The following EDA variants were observed in gnomAD, a reference collection of about 807,000 sequenced individuals.
EDA encodes the protein ectodysplasin-A.
Under a neutral mutation model 23.6 loss-of-function variants are expected in EDA, and 2 were observed. That is an observed-to-expected ratio of 0.08 (90% CI 0.03 to 0.27). The LOEUF (loss-of-function observed/expected upper bound fraction) is 0.27. Among genes scored for constraint, EDA ranks in the 10% least tolerant of loss-of-function variants. The pLI is 1.00. For missense variants in EDA, 229 were observed against 324.2 expected, an observed-to-expected ratio of 0.71 and a Z score of 2.26; for synonymous variants, 131 against 132.0, an observed-to-expected ratio of 0.99 and a Z score of 0.05.
chrX:69,648,594 C>T (rs1022617636), intron 1 of EDA, among the ~76,000 whole-genome samples: 1 of 112,323 alleles, frequency 8.9e-6, no homozygotes, highest in African/African-American at 3.2e-5. Context: ...GGTGGCCGCC[C>T]CTCCCCACAG....
chrX:69,789,014 G>T (rs934372246), intron 1 of EDA, among the ~76,000 whole-genome samples: 6 of 112,608 alleles, frequency 5.3e-5, no homozygotes, highest in Non-Finnish European at 1.1e-4. Context: ...TTTTTAGCCT[G>T]TCGGAAAAGC....
At chrX:69,867,765 G>A (rs1163121760) in intron 1 of EDA, among the ~76,000 whole-genome samples, 1 of 112,010 alleles carries the variant, frequency 8.9e-6, no homozygotes, top group East Asian at 2.8e-4. Context: ...GTGCAGGCTG[G>A]GGGAGAGAAG....
chrX:70,017,451 C>T (rs777126903), intron 2 of EDA, among the ~76,000 whole-genome samples: 21 of 111,885 alleles, frequency 1.9e-4, no homozygotes, highest in Non-Finnish European at 3.0e-4. Context: ...AAATCCTCAA[C>T]ACAATACTAG....
At chrX:69,976,765 G>C (rs1271940182) in intron 2 of EDA, among the ~76,000 whole-genome samples, 1 of 109,271 alleles carries the variant, frequency 9.2e-6, no homozygotes, top group Non-Finnish European at 1.9e-5. Context: ...TGTGACAGGG[G>C]GAGGGGGGGT....
intron 1 of EDA, among the ~76,000 whole-genome samples, chrX:69,651,026 T>C (rs909589091): frequency 9.0e-6 from 1 of 111,487 alleles, no homozygotes; most frequent in African/African-American, 3.3e-5. Flanking sequence ...GGGGGATCCA[T>C]GGCTTCTTCA....
chrX:69,791,185 G>A (rs2015395950), intron 1 of EDA, among the ~76,000 whole-genome samples: 1 of 111,715 alleles, frequency 9.0e-6, no homozygotes, highest in Non-Finnish European at 1.9e-5. Context: ...TTGAGTTTAT[G>A]AAGTTAGAAA....
At chrX:69,975,885 A>G (rs2019311111) in intron 2 of EDA, among the ~76,000 whole-genome samples, 1 of 111,912 alleles carries the variant, frequency 8.9e-6, no homozygotes, top group African/African-American at 3.2e-5. Flanking sequence ...AATATGGTTA[A>G]TAGAAATTTT....
intron 1 of EDA, among the ~76,000 whole-genome samples, chrX:69,635,500 C>A (rs1388402449): frequency 9.1e-6 from 1 of 109,334 alleles, no homozygotes; most frequent in Non-Finnish European, 1.9e-5. Flanking sequence ...CTTATCTAAG[C>A]CAGAAGTGGA....
intron 1 of EDA, among the ~76,000 whole-genome samples, chrX:69,708,739 G>T (rs1274743360): frequency 5.4e-5 from 6 of 110,888 alleles, no homozygotes; most frequent in Non-Finnish European, 1.1e-4. Context: ...ATTTTGATGG[G>T]AGCTGGGGTG....
chrX:69,969,673 T>C (rs149471353), intron 2 of EDA, among the ~76,000 whole-genome samples: 89 of 112,032 alleles, frequency 7.9e-4, no homozygotes, highest in African/African-American at 2.8e-3. Context: ...TATCTCAGAG[T>C]CATTTCAGCA....
chrX:69,626,980 A>C (rs1932407590), intron 1 of EDA, among the ~76,000 whole-genome samples: 1 of 111,512 alleles, frequency 9.0e-6, no homozygotes, highest in South Asian at 3.8e-4. Flanking sequence ...AGGCTATTCG[A>C]TTTACTTCAG....
At chrX:69,975,955 C>A (rs1314345077) in intron 2 of EDA, among the ~76,000 whole-genome samples, 1 of 111,636 alleles carries the variant, frequency 9.0e-6, no homozygotes, top group Non-Finnish European at 1.9e-5. Flanking sequence ...GACATAGAAA[C>A]GTGTCATGGT....
At chrX:69,669,732 G>A (rs1569289706) in intron 1 of EDA, among the ~76,000 whole-genome samples, 1 of 109,964 alleles carries the variant, frequency 9.1e-6, no homozygotes, top group Non-Finnish European at 1.9e-5. Flanking sequence ...TGGGAATATT[G>A]CATGATGCTG....
At chrX:69,801,251 A>T (rs766000560) in intron 1 of EDA, among the ~76,000 whole-genome samples, 3 of 110,256 alleles carry the variant, frequency 2.7e-5, no homozygotes, top group Non-Finnish European at 5.7e-5. Flanking sequence ...CATGATCAGG[A>T]CTCAGTGCAG....
intron 1 of EDA, among the ~76,000 whole-genome samples, chrX:69,698,112 G>A (rs895811254): frequency 8.9e-6 from 1 of 111,937 alleles, no homozygotes; most frequent in African/African-American, 3.3e-5. Flanking sequence ...TGGCAGGACC[G>A]TGATATTCGA....
chrX:69,642,949 G>A (rs1310023392), intron 1 of EDA, among the ~76,000 whole-genome samples: 1 of 111,446 alleles, frequency 9.0e-6, no homozygotes, highest in African/African-American at 3.3e-5. Context: ...GGGATGAGTG[G>A]AAGCTAGACA....
At chrX:69,961,576 A>G (rs1215861896) in intron 2 of EDA, among the ~76,000 whole-genome samples, 3 of 112,263 alleles carry the variant, frequency 2.7e-5, no homozygotes, top group Non-Finnish European at 5.6e-5. Context: ...TCACCATTCA[A>G]GAATGACTAG....
intron 1 of EDA, among the ~76,000 whole-genome samples, chrX:69,748,803 G>C (rs963080563): frequency 2.0e-4 from 22 of 111,493 alleles, no homozygotes; most frequent in African/African-American, 5.5e-4. Context: ...AGGTTGTTTT[G>C]ATGATAAAAT....
At chrX:69,839,853 G>A (rs1283027335) in intron 1 of EDA, among the ~76,000 whole-genome samples, 1 of 112,288 alleles carries the variant, frequency 8.9e-6, no homozygotes, top group African/African-American at 3.2e-5. Flanking sequence ...CGATTTCAGA[G>A]TTATAACAGG....
Sources: gnomAD v4.1 joint callset for allele counts (sites outside exome capture counted in the v4.1 genomes callset) on GRCh38, gnomAD v4.1.1 for gene constraint, MANE v1.5 for transcripts, NCBI Gene and HGNC (gene_info 2026-07-23, HGNC 2026-07-21) for gene names.